DIAPH2: variants seen among roughly 807,000 people sequenced by gnomAD.
The protein encoded by DIAPH2 is diaphanous related formin 2, also known as protein diaphanous homolog 2.
Under a neutral mutation model 92.7 loss-of-function variants are expected in DIAPH2, and 35 were observed. That is an observed-to-expected ratio of 0.38 (90% CI 0.29 to 0.50). DIAPH2 has a LOEUF of 0.50. Among genes scored for constraint, DIAPH2 ranks in the 20% least tolerant of loss-of-function variants. The probability of loss-of-function intolerance (pLI) is 0.94; values close to 1 mark genes in which losing one functional copy is unlikely to be tolerated. For missense variants in DIAPH2, 701 were observed against 819.5 expected, an observed-to-expected ratio of 0.86 and a Z score of 1.77; for synonymous variants, 301 against 280.4, an observed-to-expected ratio of 1.07 and a Z score of -0.73.
intron 23 of DIAPH2, among the ~76,000 whole-genome samples, chrX:97,275,443 G>T (rs777059141): frequency 1.4e-3 from 149 of 108,205 alleles, no homozygotes; most frequent in African/African-American, 4.9e-3. Flanking sequence ...CTCCCAGACG[G>T]GGCGGCTGCC....
chrX:96,872,451 G>A (rs1053080230), intron 4 of DIAPH2, among the ~76,000 whole-genome samples: 8 of 109,580 alleles, frequency 7.3e-5, no homozygotes, highest in African/African-American at 2.7e-4. Context: ...TTTTTATGGC[G>A]GAATAGTACA....
intron 17 of DIAPH2, among the ~76,000 whole-genome samples, chrX:97,068,375 AG>A (rs762884489): frequency 6.9e-4 from 77 of 111,919 alleles, no homozygotes; most frequent in African/African-American, 2.3e-3. Context: ...GGTGGTTACC[AG>A]TAGTAAAACT....
Position 97,344,737 on chromosome X carries a change from AT to A in DIAPH2, c.2845-3378del, listed in dbSNP as rs760867269. 8.3e-3 allele frequency among the ~76,000 whole-genome samples: 930 copies of A among 112,439 alleles called. 7 individuals carry two copies. The highest frequency in any genetic ancestry group is 0.029 in the African/African-American group (885 of 31,015). On this transcript the variant is annotated intron_variant, in intron 23 of 26. Transcript: ENST00000324765. ...AATTTCTGAAATCAGTTTTTGTTCT[AT>A]AAGAACAAATTTATGAAATTCGGTA... is the stretch of plus-strand genomic sequence containing the variant.
At chrX:97,284,610 CAAA>C (rs756436081) in intron 23 of DIAPH2, among the ~76,000 whole-genome samples, 1 of 43,271 alleles carries the variant, frequency 2.3e-5, no homozygotes. Flanking sequence ...AGCTCCGTCT[CAAA>C]AAAAAAAAAA....
chrX:97,422,840 C>T (rs1463250480), intron 25 of DIAPH2, among the ~76,000 whole-genome samples: 7 of 111,875 alleles, frequency 6.3e-5, no homozygotes, highest in Non-Finnish European at 1.1e-4. Flanking sequence ...ATTTCAAAAA[C>T]TATGAAGGGT....
At chrX:97,494,376 C>T (rs1226122477) in intron 26 of DIAPH2, among the ~76,000 whole-genome samples, 1 of 110,961 alleles carries the variant, frequency 9.0e-6, no homozygotes, top group Non-Finnish European at 1.9e-5. Context: ...CATTTTGTTG[C>T]TGAATTATTT....
intron 20 of DIAPH2, among the ~76,000 whole-genome samples, chrX:97,106,793 A>G (rs946543201): frequency 1.8e-5 from 2 of 111,381 alleles, no homozygotes; most frequent in African/African-American, 6.5e-5. Flanking sequence ...TTAGCCAGGC[A>G]TGGTGGCGGG....
At chrX:96,771,097 A>G (rs1365696495) in intron 4 of DIAPH2, among the ~76,000 whole-genome samples, 1 of 111,963 alleles carries the variant, frequency 8.9e-6, no homozygotes, top group East Asian at 2.8e-4. Context: ...TCATTGTTCA[A>G]TGAATGCTGA....
At position 97,551,062 on chromosome X, in the gene DIAPH2, A is replaced by G. The variant is rs1224102178; in HGVS notation, c.3242-48191A>G. ...ACTTTTTTTTTTTTGAAAGTCAAAG[A>G]GAAACGTTGTTAGCCTAAATTTTTA... On this transcript the variant is annotated intron_variant, in intron 26 of 26. Transcript: ENST00000324765. Among the ~76,000 whole-genome samples the G allele has an allele frequency of 6.3e-5, 7 of 110,630 alleles. 1 individual carries two copies. Among genetic ancestry groups the G allele is most frequent in the Admixed American group, 5.8e-4 (6 of 10,378 alleles).
intron 26 of DIAPH2, among the ~76,000 whole-genome samples, chrX:97,506,396 C>T (rs2070833833): frequency 9.4e-6 from 1 of 106,631 alleles, no homozygotes; most frequent in Non-Finnish European, 1.9e-5. Flanking sequence ...GGTGATCCGC[C>T]CACCTTGGCC....
At chrX:96,802,243 T>G (rs946305901) in intron 4 of DIAPH2, among the ~76,000 whole-genome samples, 3 of 112,171 alleles carry the variant, frequency 2.7e-5, no homozygotes, top group African/African-American at 9.7e-5. Flanking sequence ...GTTGGGCACC[T>G]TATTCTAATA....
intron 23 of DIAPH2, among the ~76,000 whole-genome samples, chrX:97,319,945 C>T (rs1004911957): frequency 4.7e-5 from 5 of 106,196 alleles, no homozygotes; most frequent in Non-Finnish European, 9.7e-5. Flanking sequence ...ACTAAAAGTA[C>T]AAAAAATAGC....
chrX:97,100,905 T>C (rs1223015253), intron 20 of DIAPH2, among the ~76,000 whole-genome samples: 2 of 111,917 alleles, frequency 1.8e-5, no homozygotes, highest in African/African-American at 6.5e-5. Flanking sequence ...AGACATGGCA[T>C]TGACTGCACT....
chrX:96,971,430 ATGTGTG>A (rs760622538), intron 17 of DIAPH2, among the ~76,000 whole-genome samples: 5 of 109,051 alleles, frequency 4.6e-5, no homozygotes, highest in Non-Finnish European at 9.6e-5. Flanking sequence ...GTGTGTGTGT[ATGTGTG>A]TGTGTGTGGG....
At chrX:96,773,078 C>G (rs190421531) in intron 4 of DIAPH2, among the ~76,000 whole-genome samples, 1 of 111,378 alleles carries the variant, frequency 9.0e-6, no homozygotes, top group Admixed American at 9.6e-5. Context: ...TCTATCCTCC[C>G]AAAGTTAAAT....
chrX:97,005,555 T>G (rs748688336), intron 17 of DIAPH2, among the ~76,000 whole-genome samples: 4 of 111,440 alleles, frequency 3.6e-5, no homozygotes, highest in South Asian at 3.8e-4. Context: ...TTTATTTTTT[T>G]GGGGACGGAG....
At chrX:97,046,323 C>G (rs1200052180) in intron 17 of DIAPH2, among the ~76,000 whole-genome samples, 2 of 110,627 alleles carry the variant, frequency 1.8e-5, no homozygotes, top group African/African-American at 6.6e-5. Flanking sequence ...GAAGAACTTA[C>G]CTTTGATAGG....
rs761346800 is a variant in DIAPH2 at position 96,977,973 on chromosome X, C to T, written c.2050+12766C>T. ...TGCTGGGATTACAGGCGTGAGCCAC[C>T]GCGCCTGGCCAGTAGATTAGTTTTA... On this transcript the variant is annotated intron_variant, in intron 17 of 26. Coordinates refer to ENST00000324765, the MANE Select transcript of DIAPH2 (RefSeq NM_006729.5). Among the ~76,000 whole-genome samples the T allele has an allele frequency of 2.7e-4, 30 of 112,045 alleles. No individual in the cohort carries two copies. In the South Asian group the frequency reaches 6.7e-3, roughly 25 times the overall value.
chrX:97,110,982 C>CA (rs1391907231), intron 20 of DIAPH2, among the ~76,000 whole-genome samples: 1,482 of 78,325 alleles, frequency 0.019, 58 homozygotes, highest in African/African-American at 0.083. Flanking sequence ...GACTCCGTCT[C>CA]AAAAAAAACA....
Sources: gnomAD v4.1 joint callset for allele counts (sites outside exome capture counted in the v4.1 genomes callset) on GRCh38, gnomAD v4.1.1 for gene constraint, MANE v1.5 for transcripts, NCBI Gene and HGNC (gene_info 2026-07-23, HGNC 2026-07-21) for gene names.